The following METTL16 variants were observed in gnomAD, a reference collection of about 807,000 sequenced individuals.
The protein encoded by METTL16 is RNA N(6)-adenosine-methyltransferase METTL16.
In METTL16, 19 loss-of-function variants were observed where a neutral mutation model predicts 57.9. The ratio of observed to expected loss-of-function variants is 0.33; its 90% confidence interval spans 0.23 to 0.48. The LOEUF (loss-of-function observed/expected upper bound fraction) is 0.48, where lower values mean the gene tolerates loss of function less well. Among genes scored for constraint, METTL16 ranks in the 20% least tolerant of loss-of-function variants. The probability of loss-of-function intolerance (pLI) is 0.99; values close to 1 mark genes in which losing one functional copy is unlikely to be tolerated. For synonymous variants in METTL16, 246 were observed against 255.6 expected (o/e 0.96, Z 0.36); for missense variants, 434 against 691.5 (o/e 0.63, Z 4.18).
intron 8 of METTL16, among the ~76,000 whole-genome samples, chr17:2,435,659 G>A (rs934335213): frequency 1.3e-5 from 2 of 151,166 alleles, no homozygotes; most frequent in Non-Finnish European, 3.0e-5. Flanking sequence ...AGCAGCTTGG[G>A]GCTGGGGTAG....
At chr17:2,427,075 G>A (rs2066825575) in intron 8 of METTL16, among the ~76,000 whole-genome samples, 2 of 152,162 alleles carry the variant, frequency 1.3e-5, no homozygotes, top group South Asian at 4.1e-4. Context: ...GAACCCAGGA[G>A]GCAGGGCCTG....
In METTL16 at chr17:2,441,481, A is replaced by G. The variant is rs2151550438; in HGVS notation, c.798+9T>C. 3 of 1,581,632 alleles carry G rather than the reference A, an allele frequency of 1.9e-6. No individual in the cohort carries two copies. In the East Asian group the frequency reaches 6.9e-5, roughly 36 times the overall value. On this transcript the variant is annotated intron_variant, in intron 7 of 9. Transcript: ENST00000263092. Reference sequence around the variant, plus strand: ...TAGCTACACGAGAACAGTAATGAGGAAGCCTCACCCCTTGTATGCGAAGCT... The same window carrying G: ...TAGCTACACGAGAACAGTAATGAGGGAGCCTCACCCCTTGTATGCGAAGCT...
chr17:2,469,671 C>T (rs1381133725), intron 4 of METTL16, among the ~76,000 whole-genome samples: 29 of 152,058 alleles, frequency 1.9e-4, no homozygotes. Context: ...ATTACAGATG[C>T]CCATCACCAC....
intron 2 of METTL16, among the ~76,000 whole-genome samples, chr17:2,496,743 A>G (rs1240448584): frequency 6.6e-6 from 1 of 151,438 alleles, no homozygotes; most frequent in Admixed American, 6.6e-5. Flanking sequence ...AGGAGGTGGG[A>G]CCTAGTGGGA....
Position 2,420,811 on chromosome 17 carries a change from C to G in METTL16, c.982G>C (p.Ala328Pro), listed in dbSNP as rs1482569686. The change falls in exon 9 of 10, where the codon GCA becomes CCA. Residue 328 changes from alanine to proline, a missense_variant. By Grantham distance (27) the Ala-to-Pro change is conservative. Around this residue, in one of 5 missense-constraint regions of METTL16, gnomAD observed 96 missense variants for 138.3 expected, o/e 0.69. Transcript: ENST00000263092. The surrounding 1 kb of genome is among the most constrained non-coding windows in gnomAD (Gnocchi z 5.4). ...ASVMKELSLK[A>P]SPLRSETAEG... ...GCCGTCTCCGAGCGCAGAGGTGATG[C>G]TTTGAGGGATAATTCCTTCATCACG... 1 of 1,614,234 alleles carries G rather than the reference C, an allele frequency of 6.2e-7. No homozygotes were observed. Among genetic ancestry groups the G allele is most frequent in the African/African-American group, 1.3e-5 (1 of 75,062 alleles).
intron 1 of METTL16, among the ~76,000 whole-genome samples, chr17:2,508,031 T>C (rs1361974058): frequency 6.6e-6 from 1 of 152,058 alleles, no homozygotes; most frequent in Non-Finnish European, 1.5e-5. Context: ...CCAGAGACCT[T>C]TGTTCACTTG....
chr17:2,474,796 G>A (rs141107313), intron 3 of METTL16, among the ~76,000 whole-genome samples: 1 of 152,178 alleles, frequency 6.6e-6, no homozygotes, highest in African/African-American at 2.4e-5. Context: ...CATGATGGTG[G>A]GTACCTCCAG....
At chr17:2,436,391 T>C (rs1261444509) in intron 8 of METTL16, among the ~76,000 whole-genome samples, 20 of 152,168 alleles carry the variant, frequency 1.3e-4, no homozygotes, top group Admixed American at 1.3e-3. Flanking sequence ...CCAGCAGCAC[T>C]TCTAGCTGCA....
intron 2 of METTL16, among the ~76,000 whole-genome samples, chr17:2,480,837 G>A (rs2067300651): frequency 6.6e-6 from 1 of 152,116 alleles, no homozygotes; most frequent in Non-Finnish European, 1.5e-5. Context: ...TTTGGCAATC[G>A]CCATGCTAAT....
chr17:2,472,127 A>G (rs1287128511), intron 4 of METTL16, among the ~76,000 whole-genome samples: 1 of 151,978 alleles, frequency 6.6e-6, no homozygotes, highest in Admixed American at 6.6e-5. Context: ...AAAAAAAAAA[A>G]GGGCAAAAGG....
chr17:2,434,328 C>T (rs933008718), intron 8 of METTL16, among the ~76,000 whole-genome samples: 5 of 152,178 alleles, frequency 3.3e-5, no homozygotes, highest in African/African-American at 9.7e-5. Context: ...GATTCTCCTG[C>T]CTCAGTCTCC....
chr17:2,473,901 G>A (rs1031384290), intron 3 of METTL16, among the ~76,000 whole-genome samples: 1 of 152,054 alleles, frequency 6.6e-6, no homozygotes, highest in Non-Finnish European at 1.5e-5. Context: ...ACCATGCCTG[G>A]CTATTTTTTG....
At chr17:2,440,922 T>C (rs923033562) in intron 7 of METTL16, among the ~76,000 whole-genome samples, 4 of 129,656 alleles carry the variant, frequency 3.1e-5, no homozygotes, top group Non-Finnish European at 6.1e-5. Flanking sequence ...CAGTGAGTCA[T>C]GATCCCACCA....
At chr17:2,434,653 C>T (rs867298191) in intron 8 of METTL16, among the ~76,000 whole-genome samples, 1 of 152,238 alleles carries the variant, frequency 6.6e-6, no homozygotes, top group African/African-American at 2.4e-5. Flanking sequence ...ACCTACCTGG[C>T]ATCCCTCAGC....
chr17:2,468,150 G>T (rs1168386800), intron 4 of METTL16, among the ~76,000 whole-genome samples: 1 of 152,240 alleles, frequency 6.6e-6, no homozygotes, highest in East Asian at 1.9e-4. Flanking sequence ...GCCCAGGTGT[G>T]TAGTAGGCTA....
At chr17:2,436,009 C>A (rs1044290087) in intron 8 of METTL16, among the ~76,000 whole-genome samples, 3 of 152,104 alleles carry the variant, frequency 2.0e-5, no homozygotes, top group Admixed American at 1.3e-4. Flanking sequence ...GACTCGGTCT[C>A]GGAGCTGGTG....
chr17:2,450,876 T>C (rs1353613978), intron 6 of METTL16, among the ~76,000 whole-genome samples: 1 of 152,172 alleles, frequency 6.6e-6, no homozygotes, highest in Non-Finnish European at 1.5e-5. Context: ...TTTCAAGAAT[T>C]TAAATTTCAA....
intron 8 of METTL16, among the ~76,000 whole-genome samples, chr17:2,433,044 A>G (rs1357437086): frequency 6.6e-6 from 1 of 152,192 alleles, no homozygotes; most frequent in Non-Finnish European, 1.5e-5. Flanking sequence ...ACACCAGTGT[A>G]AAGTATGCCA....
intron 6 of METTL16, among the ~76,000 whole-genome samples, chr17:2,461,218 G>GT (rs543444902): frequency 1.4e-3 from 216 of 152,196 alleles, no homozygotes; most frequent in Non-Finnish European, 2.3e-3. Flanking sequence ...TTAGCCAGGC[G>GT]TGGTGGCGCG....
Sources: gnomAD v4.1 joint callset for allele counts (sites outside exome capture counted in the v4.1 genomes callset) on GRCh38, gnomAD v4.1.1 for gene constraint, gnomAD v4.1.1 regional missense constraint, Gnocchi (gnomAD v3.1) non-coding constraint, MANE v1.5 for transcripts, NCBI Gene and HGNC (gene_info 2026-07-23, HGNC 2026-07-21) for gene names.